Variants in RNF130 observed in about 807,000 individuals in gnomAD.
RNF130 encodes E3 ubiquitin-protein ligase RNF130.
In RNF130, 21 loss-of-function variants were observed where a neutral mutation model predicts 44.6. That is an observed-to-expected ratio of 0.47 (90% CI 0.33 to 0.68). The LOEUF (loss-of-function observed/expected upper bound fraction) is 0.68, where lower values mean the gene tolerates loss of function less well. RNF130 is among the 30% of genes least tolerant of loss of function. The pLI is 0.02. For missense variants in RNF130, 479 were observed against 560.6 expected (o/e 0.85, Z 1.47); for synonymous variants, 214 against 210.4 (o/e 1.02, Z -0.15).
At chr5:180,028,335 A>G (rs1354079933) in intron 2 of RNF130, among the ~76,000 whole-genome samples, 1 of 152,206 alleles carries the variant, frequency 6.6e-6, no homozygotes, top group Non-Finnish European at 1.5e-5. Context: ...AGCTCTAACA[A>G]GAGTTCAAAA....
At chr5:179,937,933 T>TGTGTGTGAGAGAGAGAGA (rs1268947878) in intron 7 of RNF130, among the ~76,000 whole-genome samples, 1 of 116,294 alleles carries the variant, frequency 8.6e-6, no homozygotes, top group African/African-American at 3.5e-5. Context: ...TGTGTGTGTG[T>TGTGTGTGAGAGAGAGAGA]GAGAGAGAGA....
At chr5:179,957,381 C>T (rs983069591) in intron 8 of RNF130, among the ~76,000 whole-genome samples, 2 of 152,212 alleles carry the variant, frequency 1.3e-5, no homozygotes, top group African/African-American at 4.8e-5. Context: ...CACTGTACTC[C>T]AGCCTGGGTG....
chr5:179,963,393 C>T (rs1454792084), intron 8 of RNF130, 78 bp downstream of exon 8: 2 of 1,099,552 alleles, frequency 1.8e-6, no homozygotes, highest in Non-Finnish European at 2.7e-6. Flanking sequence ...CCAGTTCTCA[C>T]CACCTTCATG....
chr5:179,953,194 T>C (rs1412399832), downstream of RNF130, among the ~76,000 whole-genome samples: 1 of 152,114 alleles, frequency 6.6e-6, no homozygotes, highest in East Asian at 1.9e-4. Flanking sequence ...CTACAGAAAT[T>C]AAACATGTGG....
At chr5:179,923,806 G>A (rs1477535195) in intron 7 of RNF130, among the ~76,000 whole-genome samples, 1 of 152,162 alleles carries the variant, frequency 6.6e-6, no homozygotes, top group African/African-American at 2.4e-5. Flanking sequence ...GTTAAATTTA[G>A]TTTCCCTAAA....
intron 3 of RNF130, among the ~76,000 whole-genome samples, chr5:179,997,287 G>A (rs1427512437): frequency 6.6e-6 from 1 of 151,050 alleles, no homozygotes; most frequent in Non-Finnish European, 1.5e-5. Flanking sequence ...GATTACAGGT[G>A]CACACCAACA....
chr5:180,065,468 T>A (rs1424814573), intron 1 of RNF130, among the ~76,000 whole-genome samples: 1 of 152,170 alleles, frequency 6.6e-6, no homozygotes, highest in Non-Finnish European at 1.5e-5. Context: ...GTGGTTAAAG[T>A]ACAGGCACTA....
chr5:179,938,997 G>A (rs1027665628), intron 7 of RNF130, among the ~76,000 whole-genome samples: 3 of 152,156 alleles, frequency 2.0e-5, no homozygotes, highest in Non-Finnish European at 4.4e-5. Flanking sequence ...GCGAGGCTGA[G>A]GTGGGCAGAT....
At chr5:179,966,480 T>C (rs1762452465) in intron 7 of RNF130, among the ~76,000 whole-genome samples, 1 of 152,194 alleles carries the variant, frequency 6.6e-6, no homozygotes, top group Non-Finnish European at 1.5e-5. Context: ...GCTGGGGGAC[T>C]GTGTCACCTT....
chr5:179,978,300 A>C lies in RNF130; in HGVS notation c.766-15T>G. On this transcript the variant is annotated splice_polypyrimidine_tract_variant and intron_variant, in intron 4 of 8. Transcript: ENST00000521389. The stretch of plus-strand genomic sequence containing the variant: ...GGGTCAGTTTCCTAAAATGAAAAGT[A>C]CAGAAACAAAAAGTCACACGCTGCA... 1 of 1,593,248 alleles carries C rather than the reference A, an allele frequency of 6.3e-7. No individual in the cohort carries two copies. The highest frequency in any genetic ancestry group is 1.3e-5 in the African/African-American group (1 of 74,664).
At chr5:179,922,866 A>G (rs1761654248) in intron 7 of RNF130, among the ~76,000 whole-genome samples, 1 of 128,534 alleles carries the variant, frequency 7.8e-6, no homozygotes, top group Non-Finnish European at 1.7e-5. Context: ...TCCGGGAAGC[A>G]GAGGCTGCAG....
chr5:180,000,839 T>A (rs1000393161), intron 3 of RNF130, among the ~76,000 whole-genome samples: 3 of 152,236 alleles, frequency 2.0e-5, no homozygotes, highest in African/African-American at 7.2e-5. Context: ...TTCCATACGA[T>A]CATAATTTTG....
chr5:180,060,813 T>G (rs1367529139), intron 1 of RNF130, among the ~76,000 whole-genome samples: 1 of 152,182 alleles, frequency 6.6e-6, no homozygotes, highest in Admixed American at 6.5e-5. Flanking sequence ...CGGGCGCCTG[T>G]AATCCCAGCA....
rs548823564 is a variant in RNF130, at chr5:180,015,741, G to A, written c.443-2430C>T. ...AAGGAGTAGGAAAGGAGTAGGAAAA[G>A]GAGTAGGAAAGGAGTAGGGAAAGGA... On this transcript the variant is annotated intron_variant, in intron 2 of 8. Coordinates refer to ENST00000521389, the MANE Select transcript of RNF130 (RefSeq NM_018434.6). Among the ~76,000 whole-genome samples the A allele has an allele frequency of 5.5e-4, 16 of 29,346 alleles. No homozygotes were observed. In the East Asian group the frequency reaches 0.01, roughly 19 times the overall value. The allele number at this position is 29,346 out of a possible 152,430, so 19.3% of individuals were successfully genotyped here. A position where few individuals can be genotyped will look rare whatever the true frequency, so the allele number is the denominator to read the frequency against.
At chr5:180,008,429 C>T (rs1443951721) in intron 3 of RNF130, among the ~76,000 whole-genome samples, 1 of 152,102 alleles carries the variant, frequency 6.6e-6, no homozygotes, top group Admixed American at 6.6e-5. Context: ...AACATGCCAC[C>T]CAACAGCAGA....
chr5:179,980,929 C>T (rs576456711), intron 3 of RNF130, among the ~76,000 whole-genome samples: 3 of 152,084 alleles, frequency 2.0e-5, no homozygotes, highest in Non-Finnish European at 4.4e-5. Context: ...GGGACAGCTG[C>T]GTTAATGGTG....
At position 180,010,653 on chromosome 5, in the gene RNF130, C is replaced by T. The variant is rs138546829; in HGVS notation, c.693+2408G>A. On this transcript the variant is annotated intron_variant, in intron 3 of 8. Coordinates refer to ENST00000521389, the MANE Select transcript of RNF130 (RefSeq NM_018434.6). ...GGGATTACAGGTGTGAGCCACCGTG[C>T]CTGGCCCATGATTCCACCTATTTAA... 5.8e-3 allele frequency among the ~76,000 whole-genome samples: 881 copies of T among 152,244 alleles called. 15 individuals carry two copies. Among genetic ancestry groups the T allele is most frequent in the African/African-American group, 0.02 (838 of 41,536 alleles).
chr5:179,921,349 T>G (rs1761628661), intron 7 of RNF130, among the ~76,000 whole-genome samples: 2 of 152,262 alleles, frequency 1.3e-5, no homozygotes, highest in African/African-American at 4.8e-5. Flanking sequence ...TAAGTAGAAT[T>G]GCATAGTATA....
At chr5:180,031,780 G>A (rs1478761850) in intron 2 of RNF130, among the ~76,000 whole-genome samples, 1 of 152,208 alleles carries the variant, frequency 6.6e-6, no homozygotes, top group African/African-American at 2.4e-5. Flanking sequence ...GAGTGGGACT[G>A]CTGGGTCATA....
Sources: gnomAD v4.1 joint callset for allele counts (sites outside exome capture counted in the v4.1 genomes callset) on GRCh38, gnomAD v4.1.1 for gene constraint, MANE v1.5 for transcripts, NCBI Gene and HGNC (gene_info 2026-07-23, HGNC 2026-07-21) for gene names.